Variants in ABCA1 observed in about 807,000 individuals in gnomAD.
ABCA1 encodes the protein ATP binding cassette subfamily A member 1.
ABCA1 carries 133 observed loss-of-function variants against 262.5 expected under a neutral mutation model. That is an observed-to-expected ratio of 0.51 (90% CI 0.44 to 0.59). The LOEUF (loss-of-function observed/expected upper bound fraction) is 0.59, where lower values mean the gene tolerates loss of function less well. Ranked by LOEUF, ABCA1 falls within the 20% of genes least tolerant of loss-of-function variation. The probability of loss-of-function intolerance (pLI) is 0.00; values close to 1 mark genes in which losing one functional copy is unlikely to be tolerated. For synonymous variants in ABCA1, 1,022 were observed against 1,043.5 expected (o/e 0.98, Z 0.40); for missense variants, 2,452 against 2,777.5 (o/e 0.88, Z 2.63).
chr9:104,791,817 G>C, intron 43 of ABCA1, 119 bp downstream of exon 43: 1 of 923,378 alleles, frequency 1.1e-6, no homozygotes, highest in Admixed American at 2.0e-5. Flanking sequence ...GCTCCATCCT[G>C]GCATAAATAC....
chr9:104,914,021 G>A (rs901186772), intron 1 of ABCA1, among the ~76,000 whole-genome samples: 5 of 151,448 alleles, frequency 3.3e-5, no homozygotes, highest in Admixed American at 6.6e-5. Flanking sequence ...GGATGGTCTC[G>A]ATCTCCTGAC....
chr9:104,894,581 CAA>C (rs1371308370), intron 2 of ABCA1, among the ~76,000 whole-genome samples: 1 of 152,170 alleles, frequency 6.6e-6, no homozygotes, highest in East Asian at 1.9e-4. Flanking sequence ...AGCTGAGATT[CAA>C]AGAGTTAATA....
At chr9:104,850,294 G>T (rs186337793) in intron 7 of ABCA1, among the ~76,000 whole-genome samples, 32 of 152,252 alleles carry the variant, frequency 2.1e-4, no homozygotes, top group Middle Eastern at 3.4e-3. Flanking sequence ...GCTAATTCTT[G>T]TATTTTCAGT....
chr9:104,900,053 C>T (rs543780243), intron 2 of ABCA1, among the ~76,000 whole-genome samples: 1 of 152,164 alleles, frequency 6.6e-6, no homozygotes, highest in Non-Finnish European at 1.5e-5. Flanking sequence ...GATGGTCCCC[C>T]CTCAGTCTGC....
rs897327519 is a variant in ABCA1, at chr9:104,892,582, T to C, written c.67-3387A>G. Among the ~76,000 whole-genome samples, 10 of 152,298 alleles carry C rather than the reference T, an allele frequency of 6.6e-5. No individual in the cohort carries two copies. In the South Asian group the frequency reaches 1.4e-3, roughly 22 times the overall value. ...TGGTACACCAGGGACCCTATTTATA[T>C]ATAAGCTTCTCCCTTAGGGTCACTT... On this transcript the variant is annotated intron_variant, in intron 2 of 49. Coordinates refer to ENST00000374736, the MANE Select transcript of ABCA1 (RefSeq NM_005502.4).
intron 45 of ABCA1, 44 bp downstream of exon 45, chr9:104,788,382 A>C: frequency 6.2e-7 from 1 of 1,613,848 alleles, no homozygotes; most frequent in South Asian, 1.1e-5. Flanking sequence ...ATATATTGTC[A>C]GGATGCCAAA....
At chr9:104,879,837 A>G (rs980505492) in intron 5 of ABCA1, among the ~76,000 whole-genome samples, 10 of 152,182 alleles carry the variant, frequency 6.6e-5, no homozygotes, top group African/African-American at 1.9e-4. Context: ...TTTCCAGTAA[A>G]CTTCAAGAAG....
At chr9:104,787,726 G>A in intron 46 of ABCA1, 194 bp downstream of exon 46, 1 of 533,704 alleles carries the variant, frequency 1.9e-6, no homozygotes, top group Non-Finnish European at 2.4e-6. Context: ...CTATTTGGGA[G>A]CATCTGCAGG....
In ABCA1 at chr9:104,837,221, A is replaced by T. The variant is rs1256227861; in HGVS notation, c.1195-125T>A. 2.8e-6 allele frequency: 3 copies of T among 1,054,386 alleles called. No homozygotes were observed. The East Asian group carries it at 7.6e-5, about 27-fold the overall frequency. 65.3% of individuals were successfully genotyped at this position (1,054,386 alleles called of 1,614,324 possible). Reference sequence around the variant, plus strand: ...CCTGTGCCAGTCCTCCCCATCCCCAAGAAATGCCTGCTTGTAACTATGATT... The same window carrying T: ...CCTGTGCCAGTCCTCCCCATCCCCATGAAATGCCTGCTTGTAACTATGATT... On this transcript the variant is annotated intron_variant, in intron 10 of 49. Transcript: ENST00000374736.
At chr9:104,871,000 A>C (rs1837556983) in intron 5 of ABCA1, among the ~76,000 whole-genome samples, 1 of 152,108 alleles carries the variant, frequency 6.6e-6, no homozygotes. Flanking sequence ...GGGCCTTTTC[A>C]CTTCTTTTGT....
intron 33 of ABCA1, 54 bp downstream of exon 33, chr9:104,803,230 C>T: frequency 1.3e-6 from 2 of 1,593,990 alleles, no homozygotes; most frequent in Non-Finnish European, 1.7e-6. Context: ...ATCCAAGACA[C>T]CTACAACACC....
Position 104,809,476 on chromosome 9 carries a change from T to C in ABCA1, c.4264A>G (p.Asn1422Asp). ...PGFGTRCMEGNPIPDTPCQAG... is the reference protein window; with the variant it reads ...PGFGTRCMEGDPIPDTPCQAG... Reference sequence around the variant, plus strand: ...TAAAGTGGCACTCACGGGATTGGGTTTCCTTCCATACAGCGGGTCCCGAAG... The same window carrying C: ...TAAAGTGGCACTCACGGGATTGGGTCTCCTTCCATACAGCGGGTCCCGAAG... Residue 1422 changes from asparagine to aspartate, a missense_variant, in exon 30 of 50, where the codon AAC becomes GAC. This residue lies in a region of ABCA1 where 665 missense variants were observed against 727.3 expected (regional missense o/e 0.91). Coordinates refer to ENST00000374736, the MANE Select transcript of ABCA1 (RefSeq NM_005502.4). 3.7e-6 allele frequency: 6 copies of C among 1,614,208 alleles called. No individual in the cohort carries two copies. Among genetic ancestry groups the C allele is most frequent in the Non-Finnish European group, 5.1e-6 (6 of 1,180,026 alleles).
At position 104,841,201 on chromosome 9, in the gene ABCA1, C is replaced by T. The variant is rs959470508; in HGVS notation, c.814-682G>A. Among the ~76,000 whole-genome samples the T allele has an allele frequency of 7.9e-5, 12 of 151,980 alleles. 1 individual carries two copies. The highest frequency in any genetic ancestry group is 4.1e-4 in the South Asian group (2 of 4,820). ...CTGTAATCCCAGTACTTTGGGAGGT[C>T]GAGGCGGGTGGATCACCTGAGGTCA... On this transcript the variant is annotated intron_variant, in intron 8 of 49. Transcript: ENST00000374736.
At chr9:104,904,851 C>T (rs937473302) in intron 1 of ABCA1, among the ~76,000 whole-genome samples, 3 of 152,156 alleles carry the variant, frequency 2.0e-5, no homozygotes, top group African/African-American at 7.2e-5. Context: ...CTGAACACAC[C>T]GCCCCCCTAC....
Position 104,859,322 on chromosome 9 carries a change from C to A in ABCA1, c.544-624G>T, listed in dbSNP as rs563117197. On this transcript the variant is annotated intron_variant, in intron 6 of 49. Transcript: ENST00000374736. ...TTATACCAAACCCACTAGAGAGCCT[C>A]TTCTTGGTCATATTTTACTTAATTG... Among the ~76,000 whole-genome samples, 19 of 152,298 alleles carry A rather than the reference C, an allele frequency of 1.2e-4. 1 individual carries two copies. Among genetic ancestry groups the A allele is most frequent in the African/African-American group, 4.6e-4 (19 of 41,556 alleles).
chr9:104,821,494 G>C lies in ABCA1; in HGVS notation c.2841C>G (p.Thr947=), dbSNP rs745311529. The C allele has an allele frequency of 1.2e-6, 2 of 1,613,916 alleles. No individual in the cohort carries two copies. The highest frequency in any genetic ancestry group is 1.7e-5 in the Admixed American group (1 of 60,008). ...TGCCCGAGGTCGGGGGGAACAACCC[G>C]GTCAGGATTGACCTGAGGACAAAAA... is the stretch of plus-strand genomic sequence containing the variant. ...AGKTTTMSIL[T]GLFPPTSGTA... Residue 947 remains threonine (T), a synonymous_variant, in exon 20 of 50, where the codon ACC becomes ACG. Coordinates refer to ENST00000374736, the MANE Select transcript of ABCA1 (RefSeq NM_005502.4).
At chr9:104,795,250 T>A (rs1829797396) in intron 39 of ABCA1, among the ~76,000 whole-genome samples, 1 of 152,186 alleles carries the variant, frequency 6.6e-6, no homozygotes, top group Admixed American at 6.5e-5. Context: ...TACAGGAGCA[T>A]GGTGGTTGGA....
chr9:104,796,769 G>A (rs1357917311), intron 37 of ABCA1, among the ~76,000 whole-genome samples: 1 of 152,130 alleles, frequency 6.6e-6, no homozygotes, highest in African/African-American at 2.4e-5. Context: ...AGATGACTGT[G>A]TCTGTTTCGT....
Position 104,831,625 on chromosome 9 carries a change from T to A in ABCA1, c.1712A>T (p.Asp571Val). 6.2e-7 allele frequency: 1 copy of A among 1,613,042 alleles called. No homozygotes were observed. The highest frequency in any genetic ancestry group is 1.7e-5 in the Admixed American group (1 of 60,014). Residue 571 changes from aspartate to valine, a missense_variant, in exon 13 of 50, where the codon GAT becomes GTT. By Grantham distance (152) the Asp-to-Val change is radical (BLOSUM62 -3). Transcript: ENST00000374736. ...GGTGTGATGGGATTCCACTTACCCATCCTTGATTTTATTTGTCCTCTCCAC... is the reference window on the plus strand; with the variant it reads ...GGTGTGATGGGATTCCACTTACCCAACCTTGATTTTATTTGTCCTCTCCAC... ...DNVERTNKIK[D>V]GYWDPGPRAD...
Sources: allele counts gnomAD v4.1 joint callset (sites outside exome capture counted in the v4.1 genomes callset), GRCh38; gene constraint gnomAD v4.1.1; regional missense constraint gnomAD v4.1.1; transcripts MANE v1.5; gene names NCBI Gene and HGNC (gene_info 2026-07-23, HGNC 2026-07-21).